ABCA3: variants seen among roughly 807,000 people sequenced by gnomAD.
ABCA3 encodes phospholipid-transporting ATPase ABCA3.
A neutral mutation model predicts 172.8 loss-of-function variants in ABCA3; 88 were observed. The ratio of observed to expected loss-of-function variants is 0.51; its 90% CI spans 0.43 to 0.61. The LOEUF (loss-of-function observed/expected upper bound fraction) is 0.61, where lower values mean the gene tolerates loss of function less well. Ranked by LOEUF, ABCA3 falls within the 20% of genes least tolerant of loss-of-function variation. The probability of loss-of-function intolerance (pLI) is 0.00; values close to 1 mark genes in which losing one functional copy is unlikely to be tolerated. For missense variants in ABCA3, 2,164 were observed against 2,301.0 expected, an observed-to-expected ratio of 0.94 and a Z score of 1.22; for synonymous variants, 1,066 against 983.8, an observed-to-expected ratio of 1.08 and a Z score of -1.56.
chr16:2,338,043 G>A (rs1317556320), intron 1 of ABCA3, among the ~76,000 whole-genome samples: 6 of 152,166 alleles, frequency 3.9e-5, no homozygotes, highest in South Asian at 2.1e-4. Flanking sequence ...CTTCAGTCCC[G>A]TTCTCCAGCC....
Position 2,292,158 on chromosome 16 carries a change from A to G in ABCA3, c.2495T>C (p.Met832Thr), listed in dbSNP as rs1414081436. The G allele has an allele frequency of 1.3e-5, 21 of 1,613,646 alleles. No individual in the cohort carries two copies. Among genetic ancestry groups the G allele is most frequent in the Non-Finnish European group, 1.6e-5 (19 of 1,179,720 alleles). Residue 832 changes from methionine (M) to threonine (T), a missense_variant, in exon 19 of 33, where the codon ATG (methionine) becomes ACG (threonine). Met to Thr is a moderately conservative substitution (Grantham distance 81, BLOSUM62 -1). Around this residue, in one of 3 missense-constraint regions of ABCA3, gnomAD observed 1,343 missense variants for 1,369.6 expected, o/e 0.98. Coordinates refer to ENST00000301732, the MANE Select transcript of ABCA3 (RefSeq NM_001089.3). ...TACTGACCGAAGGAAGACTTCCTCC[A>G]TGGTGGTGATGGATGCCCCAAAGCT... ...IASFGASITTMEEVFLRVGKL... is the reference protein window; with the variant it reads ...IASFGASITTTEEVFLRVGKL...
Position 2,281,574 on chromosome 16 carries a change from G to A in ABCA3, c.4036-65C>T. ...CGCAGGGCGGCTTCCGTGGAGAAGG[G>A]AGGGGCGGGGGTGGATGTGGGAGGT... On this transcript the variant is annotated intron_variant, in intron 26 of 32. Coordinates refer to ENST00000301732, the MANE Select transcript of ABCA3 (RefSeq NM_001089.3). The surrounding 1 kb of genome is among the most constrained non-coding windows in gnomAD (Gnocchi z 4.7). 1 of 1,500,596 alleles carries A rather than the reference G, an allele frequency of 6.7e-7. No homozygotes were observed. The highest frequency in any genetic ancestry group is 9.2e-7 in the Non-Finnish European group (1 of 1,090,292). 93.0% of individuals were successfully genotyped at this position (1,500,596 alleles called of 1,614,324 possible). A position where few individuals can be genotyped will look rare whatever the true frequency, so the allele number is the denominator to read the frequency against.
At chr16:2,302,403 GACAA>G (rs1027626996) in intron 12 of ABCA3, among the ~76,000 whole-genome samples, 3 of 151,938 alleles carry the variant, frequency 2.0e-5, no homozygotes, top group African/African-American at 4.8e-5. Flanking sequence ...TTTATAAATA[GACAA>G]ACATATATAT....
rs968205798 is a variant in ABCA3 at position 2,284,092 on chromosome 16, G to A, written c.3862+187C>T. On this transcript the variant is annotated intron_variant, in intron 25 of 32. Transcript: ENST00000301732. The surrounding 1 kb of genome is among the most constrained non-coding windows in gnomAD (Gnocchi z 5.9). ...GGCAGGTGGGAGAGTGGGAGCTCAGGTACAGGGCCTGGGAGCGAGCGGGCG... is the reference window on the plus strand; with the variant it reads ...GGCAGGTGGGAGAGTGGGAGCTCAGATACAGGGCCTGGGAGCGAGCGGGCG... 1 of 654,154 alleles carries A rather than the reference G, an allele frequency of 1.5e-6. No individual in the cohort carries two copies. The highest frequency in any genetic ancestry group is 2.5e-6 in the Non-Finnish European group (1 of 394,298). The allele number at this position is 654,154 out of a possible 1,614,324, so 40.5% of individuals were successfully genotyped here.
At chr16:2,317,245 C>T (rs1488516684) in intron 10 of ABCA3, 38 bp downstream of exon 10, 2 of 1,612,912 alleles carry the variant, frequency 1.2e-6, no homozygotes, top group South Asian at 2.2e-5. Flanking sequence ...GCCCTTGGCC[C>T]CTTGGCAACC....
At position 2,281,599 on chromosome 16, in the gene ABCA3, T is replaced by C; in HGVS notation, c.4036-90A>G. 1 of 1,227,232 alleles carries C rather than the reference T, an allele frequency of 8.1e-7. No individual in the cohort carries two copies. Among genetic ancestry groups the C allele is most frequent in the Non-Finnish European group, 1.2e-6 (1 of 859,952 alleles). The allele number at this position is 1,227,232 out of a possible 1,614,324, so 76.0% of individuals were successfully genotyped here. ...GAGGGGCGGGGGTGGATGTGGGAGG[T>C]CTGGTGGGACTAAGGCCTTCAAGGC... On this transcript the variant is annotated intron_variant, in intron 26 of 32. Transcript: ENST00000301732. The surrounding 1 kb of genome is among the most constrained non-coding windows in gnomAD (Gnocchi z 4.7).
chr16:2,318,284 G>C lies in ABCA3; in HGVS notation c.874-520C>G, dbSNP rs543691285. 2.6e-5 allele frequency among the ~76,000 whole-genome samples: 4 copies of C among 152,260 alleles called. No homozygotes were observed. In the East Asian group the frequency reaches 7.7e-4, roughly 29 times the overall value. On this transcript the variant is annotated intron_variant, in intron 8 of 32. Coordinates refer to ENST00000301732, the MANE Select transcript of ABCA3 (RefSeq NM_001089.3). ...CCTCTGCAGTGAAGGACGAGGCGCAGTGATGGGTCGGCTCTGACCACACCT... is the reference window on the plus strand; with the variant it reads ...CCTCTGCAGTGAAGGACGAGGCGCACTGATGGGTCGGCTCTGACCACACCT...
rs2093673098 is a variant in ABCA3 at position 2,292,174 on chromosome 16, C to A, written c.2479G>T (p.Ala827Ser). Residue 827 changes from alanine (A) to serine (S), a missense_variant, in exon 19 of 33, where the codon GCA becomes TCA. This residue lies in a region of ABCA3 where 1,343 missense variants were observed against 1,369.6 expected (regional missense o/e 0.98). Transcript: ENST00000301732. ...ACTTCCTCCATGGTGGTGATGGATG[C>A]CCCAAAGCTGGCAATGCCCAGCTCT... ...QKELGIASFG[A>S]SITTMEEVFL... The A allele has an allele frequency of 6.2e-7, 1 of 1,613,880 alleles. No homozygotes were observed. Among genetic ancestry groups the A allele is most frequent in the Admixed American group, 1.7e-5 (1 of 59,998 alleles).
At chr16:2,333,882 G>A (rs1011998060) in intron 1 of ABCA3, among the ~76,000 whole-genome samples, 5 of 151,864 alleles carry the variant, frequency 3.3e-5, no homozygotes, top group African/African-American at 1.2e-4. Context: ...TAGAGACAGG[G>A]TTTCACCATG....
rs2093657456 is a variant in ABCA3, at chr16:2,283,080, G to A, written c.4035+106C>T. 7.8e-7 allele frequency: 1 copy of A among 1,278,188 alleles called. No homozygotes were observed. Among genetic ancestry groups the A allele is most frequent in the Non-Finnish European group, 1.1e-6 (1 of 906,230 alleles). The allele number at this position is 1,278,188 out of a possible 1,614,324, so 79.2% of individuals were successfully genotyped here. ...TACAGTGGGAGACCATCTGGTGCAG[G>A]AGCTGCCTGGTGGAGAAGGAGGTGG... is the stretch of plus-strand genomic sequence containing the variant. On this transcript the variant is annotated intron_variant, in intron 26 of 32. Coordinates refer to ENST00000301732, the MANE Select transcript of ABCA3 (RefSeq NM_001089.3). This position sits in a 1 kb window ranked among gnomAD's most constrained non-coding sequence, Gnocchi z 5.4.
At chr16:2,306,980 C>A (rs8053101) in intron 11 of ABCA3, among the ~76,000 whole-genome samples, 63 of 144,520 alleles carry the variant, frequency 4.4e-4, no homozygotes, top group African/African-American at 1.4e-3. Flanking sequence ...GCGCCACTGC[C>A]CTCCAGCCTG....
chr16:2,333,691 T>TC (rs1418169178), intron 1 of ABCA3, among the ~76,000 whole-genome samples: 1 of 121,336 alleles, frequency 8.2e-6, no homozygotes, highest in Non-Finnish European at 1.5e-5. Context: ...ATAACATTCT[T>TC]TTTTTTTTTT....
intron 20 of ABCA3, chr16:2,289,203 G>A (rs141552360): frequency 4.2e-5 from 25 of 589,860 alleles, no homozygotes; most frequent in African/African-American, 3.7e-4. Flanking sequence ...AGCTCCTGTT[G>A]AGCAGGGTGC....
intron 1 of ABCA3, among the ~76,000 whole-genome samples, chr16:2,335,830 G>A (rs907103491): frequency 6.6e-6 from 1 of 152,174 alleles, no homozygotes; most frequent in South Asian, 2.1e-4. Flanking sequence ...ACAATGCTTC[G>A]CAGTGATGTG....
chr16:2,285,559 C>T lies in ABCA3; in HGVS notation c.3366G>A (p.Glu1122=), dbSNP rs764472769. The change falls in exon 23 of 33, where the codon GAG becomes GAA. Residue 1122 remains glutamate (E), a synonymous_variant. Transcript: ENST00000301732. This position sits in a 1 kb window ranked among gnomAD's most constrained non-coding sequence, Gnocchi z 4.7. ...ASTFSILAVS[E]RAVQAKHVQF... Reference sequence around the variant, plus strand: ...GCACATGCTTGGCCTGCACGGCCCTCTCGCTGACCGCCAGGATGGAGAACG... The same window carrying T: ...GCACATGCTTGGCCTGCACGGCCCTTTCGCTGACCGCCAGGATGGAGAACG... The T allele has an allele frequency of 8.8e-6, 14 of 1,584,360 alleles. No individual in the cohort carries two copies. The highest frequency in any genetic ancestry group is 6.9e-5 in the South Asian group (6 of 87,054).
Position 2,297,338 on chromosome 16 carries a change from G to A in ABCA3, c.2254C>T (p.Gln752Ter). ...QCCGSSLFLKQKYGAGYHMTL... is the reference protein window; with the variant it reads ...QCCGSSLFLK ...TGGCCCCACCGCTCACCGTATTTCT[G>A]CTTGAGGAACAGCGAGGACCCGCAG... Residue 752 changes from glutamine to a stop codon, truncating the protein, a stop_gained, in exon 17 of 33, where the codon CAG becomes TAG. Coordinates refer to ENST00000301732, the MANE Select transcript of ABCA3 (RefSeq NM_001089.3). LOFTEE classifies it high-confidence loss of function. The surrounding 1 kb of genome is among the most constrained non-coding windows in gnomAD (Gnocchi z 5.6). 1 of 1,611,176 alleles carries A rather than the reference G, an allele frequency of 6.2e-7. No homozygotes were observed. Among genetic ancestry groups the A allele is most frequent in the Non-Finnish European group, 8.5e-7 (1 of 1,179,944 alleles).
At position 2,283,593 on chromosome 16, in the gene ABCA3, G is replaced by A. The variant is rs1042035239; in HGVS notation, c.3863-235C>T. Reference sequence around the variant, plus strand: ...CCATGAGCGACATGGCAGACCCAGGGCAGCAACAGCCCGCCTGAGAGGCAC... The same window carrying A: ...CCATGAGCGACATGGCAGACCCAGGACAGCAACAGCCCGCCTGAGAGGCAC... On this transcript the variant is annotated intron_variant, in intron 25 of 32. Transcript: ENST00000301732. This position sits in a 1 kb window ranked among gnomAD's most constrained non-coding sequence, Gnocchi z 5.4. 2 of 531,498 alleles carry A rather than the reference G, an allele frequency of 3.8e-6. No individual in the cohort carries two copies. The highest frequency in any genetic ancestry group is 3.2e-5 in the Admixed American group (1 of 31,350). 32.9% of individuals were successfully genotyped at this position (531,498 alleles called of 1,614,324 possible).
intron 19 of ABCA3, among the ~76,000 whole-genome samples, chr16:2,289,963 A>T (rs1185750743): frequency 2.5e-5 from 2 of 80,068 alleles, no homozygotes; most frequent in African/African-American, 6.4e-5. Context: ...GAATTACATC[A>T]CACACACACA....
intron 1 of ABCA3, chr16:2,339,409 T>A (rs1354073013): frequency 1.3e-5 from 2 of 152,156 alleles, no homozygotes; most frequent in Non-Finnish European, 1.5e-5. Flanking sequence ...AAAAGAAAAA[T>A]TATCTAAGAA....
Sources: allele counts gnomAD v4.1 joint callset (sites outside exome capture counted in the v4.1 genomes callset), GRCh38; gene constraint gnomAD v4.1.1; regional missense constraint gnomAD v4.1.1; non-coding constraint Gnocchi (gnomAD v3.1); transcripts MANE v1.5; gene names NCBI Gene and HGNC (gene_info 2026-07-23, HGNC 2026-07-21).